ZC3H4: variants seen among roughly 807,000 people sequenced by gnomAD.
The protein encoded by ZC3H4 is zinc finger CCCH domain-containing protein 4.
In ZC3H4, 13 loss-of-function variants were observed where a neutral mutation model predicts 108.3. The ratio of observed to expected loss-of-function variants is 0.12; its 90% CI spans 0.08 to 0.19. ZC3H4 has a LOEUF of 0.19. Ranked by LOEUF, ZC3H4 falls within the 10% of genes least tolerant of loss-of-function variation. The probability of loss-of-function intolerance (pLI) is 1.00; values close to 1 mark genes in which losing one functional copy is unlikely to be tolerated. For missense variants in ZC3H4, 1,734 were observed against 1,838.8 expected, an observed-to-expected ratio of 0.94 and a Z score of 1.04; for synonymous variants, 917 against 749.6, an observed-to-expected ratio of 1.22 and a Z score of -3.65.
In ZC3H4 at chr19:47,065,482, A is replaced by T. The variant is rs2057180872; in HGVS notation, c.*874T>A. 1 of 152,636 alleles carries T rather than the reference A, an allele frequency of 6.6e-6. No homozygotes were observed. 9.5% of individuals were successfully genotyped at this position (152,636 alleles called of 1,614,324 possible). Reference sequence around the variant, plus strand: ...GGCATAGCGGGTGCGTGGCTTGAGGACCAGGACAGACCCTGGTGTGGGCAA... The same window carrying T: ...GGCATAGCGGGTGCGTGGCTTGAGGTCCAGGACAGACCCTGGTGTGGGCAA... On this transcript the variant is annotated 3_prime_UTR_variant, in exon 15 of 15. Coordinates refer to ENST00000253048, the MANE Select transcript of ZC3H4 (RefSeq NM_015168.2).
intron 13 of ZC3H4, among the ~76,000 whole-genome samples, chr19:47,071,284 G>A (rs2057320994): frequency 6.6e-6 from 1 of 152,168 alleles, no homozygotes; most frequent in Admixed American, 6.5e-5. Context: ...TCCTATGGCT[G>A]CAGCAGCGTC....
At chr19:47,110,458 T>G (rs9676953) in intron 2 of ZC3H4, among the ~76,000 whole-genome samples, 5 of 152,150 alleles carry the variant, frequency 3.3e-5, no homozygotes, top group African/African-American at 1.2e-4. Context: ...CGTCAAATTT[T>G]AAAAATTAAA....
At chr19:47,094,245 CTT>C in intron 3 of ZC3H4, 142 bp downstream of exon 3, 1 of 1,140,122 alleles carries the variant, frequency 8.8e-7, no homozygotes, top group Non-Finnish European at 1.3e-6. Flanking sequence ...GCTACCAACT[CTT>C]TTAAAAAAGG....
At chr19:47,068,991 C>A in intron 14 of ZC3H4, 101 bp downstream of exon 14, 3 of 1,570,526 alleles carry the variant, frequency 1.9e-6, no homozygotes, top group Non-Finnish European at 2.6e-6. Context: ...TAGCCATGGG[C>A]TCCTTCCTGA....
intron 2 of ZC3H4, among the ~76,000 whole-genome samples, chr19:47,099,182 G>A (rs570847180): frequency 1.1e-4 from 17 of 152,216 alleles, no homozygotes; most frequent in African/African-American, 2.6e-4. Flanking sequence ...AGCCAGGGCC[G>A]GGCGCGGTGG....
intron 2 of ZC3H4, among the ~76,000 whole-genome samples, chr19:47,105,935 A>G (rs1392558905): frequency 6.6e-6 from 1 of 152,200 alleles, no homozygotes; most frequent in Admixed American, 6.5e-5. Context: ...AATGGTATGT[A>G]TAGAGATGGG....
At chr19:47,100,741 C>T (rs1455120686) in intron 2 of ZC3H4, among the ~76,000 whole-genome samples, 2 of 152,058 alleles carry the variant, frequency 1.3e-5, no homozygotes, top group Non-Finnish European at 2.9e-5. Flanking sequence ...CTCTGTCGCC[C>T]AGGCTGGAGT....
intron 13 of ZC3H4, 84 bp downstream of exon 13, chr19:47,071,694 A>G: frequency 7.0e-7 from 1 of 1,431,776 alleles, no homozygotes; most frequent in Admixed American, 2.4e-5. Flanking sequence ...ACTTGGACGA[A>G]GGAAGAAAAA....
chr19:47,078,441 G>A (rs1042552734), intron 11 of ZC3H4, among the ~76,000 whole-genome samples: 10 of 149,814 alleles, frequency 6.7e-5, no homozygotes, highest in South Asian at 2.1e-4. Context: ...CCGAGACCAC[G>A]CCCACTGCAC....
chr19:47,082,319 T>C (rs1177854867), intron 9 of ZC3H4, 24 bp from the exon 10 acceptor site: 3 of 1,565,664 alleles, frequency 1.9e-6, no homozygotes, highest in African/African-American at 2.7e-5. Context: ...AACAAAAACA[T>C]AAGGTGGTGG....
At chr19:47,082,082 G>A in intron 10 of ZC3H4, 102 bp downstream of exon 10, 1 of 1,019,552 alleles carries the variant, frequency 9.8e-7, no homozygotes, top group African/African-American at 1.6e-5. Flanking sequence ...TCTTGGCACA[G>A]AGAGAAAGCA....
chr19:47,069,730 T>C (rs2241388), intron 13 of ZC3H4, among the ~76,000 whole-genome samples: 93,080 of 152,088 alleles, frequency 0.61, 29,528 homozygotes, highest in Non-Finnish European at 0.72. Context: ...TTTGGATGGA[T>C]AGGAGTTGCA....
At chr19:47,069,364 G>A (rs745941707) in intron 13 of ZC3H4, 21 bp from the exon 14 acceptor site, 40 of 1,607,124 alleles carry the variant, frequency 2.5e-5, no homozygotes, top group Non-Finnish European at 3.2e-5. Context: ...GAAGAACCGA[G>A]GGTTCATGTC....
chr19:47,098,021 T>A (rs2057850528), intron 2 of ZC3H4, among the ~76,000 whole-genome samples: 1 of 152,234 alleles, frequency 6.6e-6, no homozygotes, highest in South Asian at 2.1e-4. Context: ...GAGCCAGTCC[T>A]GCCCCGTACC....
intron 6 of ZC3H4, 66 bp downstream of exon 6, chr19:47,086,318 A>T: frequency 6.3e-7 from 1 of 1,594,408 alleles, no homozygotes; most frequent in Non-Finnish European, 8.5e-7. Context: ...CTCTACCAGC[A>T]GTGCTCACGC....
chr19:47,069,494 CAG>C (rs1222808392), intron 13 of ZC3H4, 151 bp from the exon 14 acceptor site: 6 of 1,014,284 alleles, frequency 5.9e-6, no homozygotes, highest in Non-Finnish European at 8.4e-6. Context: ...CTCAGGGGAA[CAG>C]AGCGGCCCAT....
At chr19:47,095,760 AC>A (rs1162940938) in intron 2 of ZC3H4, among the ~76,000 whole-genome samples, 2 of 152,220 alleles carry the variant, frequency 1.3e-5, no homozygotes, top group African/African-American at 4.8e-5. Flanking sequence ...AAGGAAAAAA[AC>A]AATCTTTTTG....
intron 9 of ZC3H4, 126 bp from the exon 10 acceptor site, chr19:47,082,421 C>T: frequency 1.4e-6 from 1 of 719,280 alleles, no homozygotes; most frequent in Non-Finnish European, 2.5e-6. Flanking sequence ...ACGAATCCCC[C>T]TTAGGAAAGG....
At chr19:47,083,905 A>G (rs1169647190) in intron 9 of ZC3H4, among the ~76,000 whole-genome samples, 2 of 152,036 alleles carry the variant, frequency 1.3e-5, no homozygotes, top group African/African-American at 4.8e-5. Context: ...CTCTGTGGTC[A>G]TTGGTCCATC....
Sources: gnomAD v4.1 joint callset for allele counts (sites outside exome capture counted in the v4.1 genomes callset) on GRCh38, gnomAD v4.1.1 for gene constraint, MANE v1.5 for transcripts, NCBI Gene and HGNC (gene_info 2026-07-23, HGNC 2026-07-21) for gene names.